The following TRIO variants were observed in gnomAD, a reference collection of about 807,000 sequenced individuals.
TRIO encodes trio Rho guanine nucleotide exchange factor, also known as triple functional domain protein.
A neutral mutation model predicts 351.9 loss-of-function variants in TRIO; 58 were observed. The observed-to-expected ratio is 0.16, with a 90% confidence interval of 0.13 to 0.21. The LOEUF (loss-of-function observed/expected upper bound fraction) is 0.21. Among genes scored for constraint, TRIO ranks in the 10% least tolerant of loss-of-function variants. The pLI, the probability that TRIO is intolerant of heterozygous loss-of-function variation, is 1.00. For synonymous variants in TRIO, 1,758 were observed against 1,595.7 expected (o/e 1.10, Z -2.42); for missense variants, 3,201 against 4,027.8 (o/e 0.79, Z 5.56).
In TRIO at chr5:14,317,518, C is replaced by T. The variant is rs116405191; in HGVS notation, c.1731+775C>T. On this transcript the variant is annotated intron_variant, in intron 9 of 56. Coordinates refer to ENST00000344204, the MANE Select transcript of TRIO (RefSeq NM_007118.4). ...CGCCGTGATAAGCCTGCAGTAGAGC[C>T]ACTCTCAGGATCTCAGGTTTCCATC... Among the ~76,000 whole-genome samples the T allele has an allele frequency of 5.8e-3, 887 of 152,272 alleles. 11 individuals carry two copies. The highest frequency in any genetic ancestry group is 0.019 in the African/African-American group (801 of 41,530).
At chr5:14,430,143 G>GA (rs1380596429) in intron 34 of TRIO, among the ~76,000 whole-genome samples, 6 of 145,014 alleles carry the variant, frequency 4.1e-5, no homozygotes, top group Non-Finnish European at 8.9e-5. Context: ...TATTTATAGG[G>GA]AAAAAATCAA....
intron 8 of TRIO, among the ~76,000 whole-genome samples, chr5:14,305,723 G>A (rs904008446): frequency 6.6e-6 from 1 of 152,134 alleles, no homozygotes; most frequent in Non-Finnish European, 1.5e-5. Context: ...ATATCCTTGG[G>A]CCTGCCTGTC....
At position 14,504,440 on chromosome 5, in the gene TRIO, G is replaced by A. The variant is rs149746078; in HGVS notation, c.8459G>A (p.Arg2820Gln). The change falls in exon 55 of 57, where the codon CGA becomes CAA. Residue 2820 changes from arginine to glutamine, a missense_variant. Around this residue, in one of 19 missense-constraint regions of TRIO, gnomAD observed 1,089 missense variants for 954.9 expected, o/e 1.14. Coordinates refer to ENST00000344204, the MANE Select transcript of TRIO (RefSeq NM_007118.4). ...VKKCDQKGTK[R>Q]AVATKFVNKK... is the part of the protein sequence containing the mutation. Reference sequence around the variant, plus strand: ...AAATGTGATCAGAAAGGAACCAAGCGAGCAGTGGCCACTAAGTTTGTGAAC... The same window carrying A: ...AAATGTGATCAGAAAGGAACCAAGCAAGCAGTGGCCACTAAGTTTGTGAAC... 9.9e-5 allele frequency: 160 copies of A among 1,614,084 alleles called. No homozygotes were observed. The highest frequency in any genetic ancestry group is 1.3e-4 in the Non-Finnish European group (156 of 1,180,030).
intron 13 of TRIO, among the ~76,000 whole-genome samples, chr5:14,361,331 A>G (rs1320232541): frequency 6.6e-6 from 1 of 152,230 alleles, no homozygotes; most frequent in Non-Finnish European, 1.5e-5. Context: ...CAACAAAGCC[A>G]CGAAATTACA....
intron 1 of TRIO, among the ~76,000 whole-genome samples, chr5:14,155,185 A>C (rs890324290): frequency 1.3e-5 from 2 of 152,222 alleles, no homozygotes; most frequent in African/African-American, 4.8e-5. Flanking sequence ...GAACAGCTTC[A>C]GATCCCCAGT....
intron 4 of TRIO, among the ~76,000 whole-genome samples, chr5:14,288,916 T>G (rs1410046947): frequency 6.6e-6 from 1 of 152,190 alleles, no homozygotes; most frequent in Non-Finnish European, 1.5e-5. Flanking sequence ...TTAATATTAA[T>G]CTGCTTCACA....
intron 11 of TRIO, among the ~76,000 whole-genome samples, chr5:14,357,771 T>A (rs1039245296): frequency 6.6e-6 from 1 of 152,142 alleles, no homozygotes; most frequent in Non-Finnish European, 1.5e-5. Context: ...AATACAAGTG[T>A]CCACCTGCTA....
chr5:14,474,413 G>A (rs985705161), intron 40 of TRIO, among the ~76,000 whole-genome samples: 1 of 152,194 alleles, frequency 6.6e-6, no homozygotes, highest in African/African-American at 2.4e-5. Flanking sequence ...CCTCCCTGCT[G>A]TACACTTCCA....
At chr5:14,440,574 A>G (rs993828990) in intron 34 of TRIO, among the ~76,000 whole-genome samples, 3 of 152,270 alleles carry the variant, frequency 2.0e-5, no homozygotes, top group Non-Finnish European at 4.4e-5. Flanking sequence ...GTTCGCATGC[A>G]AGAATTTACA....
chr5:14,318,160 G>A (rs1739544368), intron 9 of TRIO, among the ~76,000 whole-genome samples: 1 of 150,166 alleles, frequency 6.7e-6, no homozygotes, highest in Non-Finnish European at 1.5e-5. Context: ...CTGGCATGCT[G>A]GCACATGCTT....
chr5:14,437,683 A>ACCCCCCCCCCCCC lies in TRIO; in HGVS notation c.5203+17664_5203+17665insCCCCCCCCCCCCC, dbSNP rs976372019. Among the ~76,000 whole-genome samples, 12 of 108,334 alleles carry ACCCCCCCCCCCCC rather than the reference A, an allele frequency of 1.1e-4. 1 individual carries two copies. Among genetic ancestry groups the ACCCCCCCCCCCCC allele is most frequent in the Admixed American group, 2.0e-4 (2 of 9,978 alleles). 71.1% of individuals were successfully genotyped at this position (108,334 alleles called of 152,430 possible). A position where few individuals can be genotyped will look rare whatever the true frequency, so the allele number is the denominator to read the frequency against. On this transcript the variant is annotated intron_variant, in intron 34 of 56. Transcript: ENST00000344204. ...AGGACACCAGGCATATTGGATGAGG[A>ACCCCCCCCCCCCC]CCACCCCCCCCGCCCCAAGGACCTC...
intron 2 of TRIO, among the ~76,000 whole-genome samples, chr5:14,276,920 A>C (rs909020284): frequency 4.6e-5 from 7 of 152,230 alleles, no homozygotes; most frequent in African/African-American, 1.7e-4. Flanking sequence ...TCACACAGAC[A>C]TGTATAGCTA....
At chr5:14,232,302 C>T (rs1270101429) in intron 1 of TRIO, among the ~76,000 whole-genome samples, 1 of 152,212 alleles carries the variant, frequency 6.6e-6, no homozygotes, top group Non-Finnish European at 1.5e-5. Context: ...ATACACCTTC[C>T]ATACCACTCC....
chr5:14,216,664 G>A (rs1351724971), intron 1 of TRIO, among the ~76,000 whole-genome samples: 3 of 152,226 alleles, frequency 2.0e-5, no homozygotes, highest in Non-Finnish European at 4.4e-5. Flanking sequence ...TCTGTGTATC[G>A]TATTATTGCC....
At chr5:14,490,820 AGTT>A (rs1756429191) in intron 48 of TRIO, 1 of 455,990 alleles carries the variant, frequency 2.2e-6, no homozygotes, top group African/African-American at 2.0e-5. Flanking sequence ...GTGCTGCAGA[AGTT>A]GTTTTTTGTT....
chr5:14,501,905 G>T (rs934979226), intron 53 of TRIO, among the ~76,000 whole-genome samples: 1 of 152,220 alleles, frequency 6.6e-6, no homozygotes, highest in Non-Finnish European at 1.5e-5. Flanking sequence ...GCAGGACCAC[G>T]TGGGGCTCCC....
rs71599626 is a variant in TRIO, at chr5:14,493,098, GTTGTTTGT to G, written c.7880+303_7880+310del. 0.011 allele frequency among the ~76,000 whole-genome samples: 1,694 copies of G among 152,276 alleles called. 29 individuals carry two copies. Among genetic ancestry groups the G allele is most frequent in the African/African-American group, 0.037 (1,552 of 41,534 alleles). ...TGTGTTAGTCATAACTCAAGAAAGT[GTTGTTTGT>G]TTGTTTGTTTGTTTGTTTAAGAAAC... On this transcript the variant is annotated intron_variant, in intron 49 of 56. Coordinates refer to ENST00000344204, the MANE Select transcript of TRIO (RefSeq NM_007118.4).
At chr5:14,237,435 G>A (rs2152230085) in intron 1 of TRIO, among the ~76,000 whole-genome samples, 1 of 152,294 alleles carries the variant, frequency 6.6e-6, no homozygotes, top group East Asian at 1.9e-4. Flanking sequence ...AGTGTCGTGT[G>A]ATGGGGCCCG....
chr5:14,291,248 A>T lies in TRIO; in HGVS notation c.1053+20A>T. 6.2e-7 allele frequency: 1 copy of T among 1,603,216 alleles called. No individual in the cohort carries two copies. Among genetic ancestry groups the T allele is most frequent in the South Asian group, 1.1e-5 (1 of 89,216 alleles). On this transcript the variant is annotated intron_variant, in intron 5 of 56. Transcript: ENST00000344204. The stretch of plus-strand genomic sequence containing the variant: ...GAGAAGGTAAAGACGGGGGAGGCTA[A>T]TGCCTCAGTGGACATGGGGGAAGCC...
Sources: allele counts gnomAD v4.1 joint callset (sites outside exome capture counted in the v4.1 genomes callset), GRCh38; gene constraint gnomAD v4.1.1; regional missense constraint gnomAD v4.1.1; transcripts MANE v1.5; gene names NCBI Gene and HGNC (gene_info 2026-07-23, HGNC 2026-07-21).